Variants in TRIM2 observed in about 807,000 individuals in gnomAD.
TRIM2 encodes the protein tripartite motif containing 2, also known as tripartite motif-containing protein 2.
Under a neutral mutation model 75.2 loss-of-function variants are expected in TRIM2, and 20 were observed. That is an observed-to-expected ratio of 0.27 (90% CI 0.19 to 0.39). The LOEUF is 0.39. TRIM2 is among the 10% of genes least tolerant of loss of function. The pLI is 1.00. For missense variants in TRIM2, 660 were observed against 990.8 expected (o/e 0.67, Z 4.48); for synonymous variants, 373 against 388.3 (o/e 0.96, Z 0.46).
rs1772749266 is a variant in TRIM2 at position 153,338,767 on chromosome 4, G to T, written c.*3801G>T. Reference sequence around the variant, plus strand: ...TATTCTAGAATAGATTAATAAATTGGCTATGTTGTTCCAATGAATGTACAG... The same window carrying T: ...TATTCTAGAATAGATTAATAAATTGTCTATGTTGTTCCAATGAATGTACAG... On this transcript the variant is annotated 3_prime_UTR_variant, in exon 12 of 12. Coordinates refer to ENST00000338700, the MANE Select transcript of TRIM2 (RefSeq NM_015271.5). 2.0e-6 allele frequency: 2 copies of T among 985,630 alleles called. No homozygotes were observed. Among genetic ancestry groups the T allele is most frequent in the South Asian group, 4.7e-5 (1 of 21,282 alleles). 61.1% of individuals were successfully genotyped at this position (985,630 alleles called of 1,614,324 possible).
intron 1 of TRIM2, among the ~76,000 whole-genome samples, chr4:153,236,499 C>CT (rs1560859060): frequency 6.6e-6 from 1 of 152,068 alleles, no homozygotes. Flanking sequence ...TAGTGATCTA[C>CT]TTTTTTTAAA....
intron 1 of TRIM2, among the ~76,000 whole-genome samples, chr4:153,189,823 G>A (rs76974256): frequency 0.05 from 7,597 of 152,240 alleles, 227 homozygotes; most frequent in South Asian, 0.061. Context: ...TTCCTCTAAA[G>A]TATACACAAC....
At position 153,293,023 on chromosome 4, in the gene TRIM2, T is replaced by C. The variant is rs1762126043; in HGVS notation, c.495T>C (p.Cys165=). The C allele has an allele frequency of 6.2e-7, 1 of 1,613,406 alleles. No individual in the cohort carries two copies. Among genetic ancestry groups the C allele is most frequent in the East Asian group, 2.2e-5 (1 of 44,862 alleles). Residue 165 remains cysteine (C), a synonymous_variant, in exon 4 of 12, where the codon TGT becomes TGC. Coordinates refer to ENST00000338700, the MANE Select transcript of TRIM2 (RefSeq NM_015271.5). The part of the protein sequence containing the change: ...FYCQSCETAM[C]RECTEGEHAE... Reference sequence around the variant, plus strand: ...GCCAGTCCTGTGAGACTGCCATGTGTCGGGAGTGCACGGAGGGGGAGCACG... The same window carrying C: ...GCCAGTCCTGTGAGACTGCCATGTGCCGGGAGTGCACGGAGGGGGAGCACG...
intron 1 of TRIM2, among the ~76,000 whole-genome samples, chr4:153,195,845 T>C (rs543177288): frequency 6.6e-5 from 10 of 152,326 alleles, no homozygotes; most frequent in African/African-American, 2.4e-4. Flanking sequence ...GGATTCTTGC[T>C]TTGTCGCCCA....
intron 1 of TRIM2, among the ~76,000 whole-genome samples, chr4:153,154,772 A>T (rs1196462155): frequency 6.6e-6 from 1 of 152,218 alleles, no homozygotes; most frequent in African/African-American, 2.4e-5. Context: ...AATTTTATTT[A>T]TCAGGTTATG....
rs528333844 is a variant in TRIM2, at chr4:153,304,394, G to T, written c.1510+8358G>T. 3.9e-5 allele frequency among the ~76,000 whole-genome samples: 6 copies of T among 152,182 alleles called. No homozygotes were observed. In the South Asian group the frequency reaches 1.0e-3, roughly 26 times the overall value. On this transcript the variant is annotated intron_variant, in intron 6 of 11. Transcript: ENST00000338700. Reference sequence around the variant, plus strand: ...CTCCTAAAGTGCTGGGATTACAGGCGTGAGCCACCATGCCCGGCCCCTTGA... The same window carrying T: ...CTCCTAAAGTGCTGGGATTACAGGCTTGAGCCACCATGCCCGGCCCCTTGA...
At chr4:153,213,003 G>A (rs539818232) in intron 1 of TRIM2, among the ~76,000 whole-genome samples, 2 of 152,226 alleles carry the variant, frequency 1.3e-5, no homozygotes, top group East Asian at 1.9e-4. Flanking sequence ...CTACTGCCTG[G>A]GAAGCTTTGT....
At chr4:153,153,012 A>C (rs921738029), upstream of TRIM2, 2 of 152,250 alleles carry the variant, frequency 1.3e-5, no homozygotes, top group African/African-American at 4.8e-5. Flanking sequence ...GCGGCTAGGC[A>C]TGCGGATTTA....
intron 1 of TRIM2, chr4:153,265,710 A>G (rs1754840275): frequency 6.6e-6 from 1 of 152,202 alleles, no homozygotes; most frequent in African/African-American, 2.4e-5. Flanking sequence ...GCTCAGGGGC[A>G]ATATTTTCTG....
At chr4:153,238,140 C>T (rs189568616) in intron 1 of TRIM2, among the ~76,000 whole-genome samples, 48 of 152,312 alleles carry the variant, frequency 3.2e-4, no homozygotes, top group African/African-American at 1.1e-3. Context: ...CCTATCTAAC[C>T]CCTGGGTAAG....
chr4:153,299,460 A>G (rs1332752435), intron 6 of TRIM2, among the ~76,000 whole-genome samples: 2 of 152,144 alleles, frequency 1.3e-5, no homozygotes, highest in Admixed American at 1.3e-4. Flanking sequence ...TATCTTGGCT[A>G]TTGTGAACAG....
At chr4:153,308,581 G>T in intron 6 of TRIM2, 1 of 681,468 alleles carries the variant, frequency 1.5e-6, no homozygotes, top group Admixed American at 1.8e-5. Context: ...GCTGTGGTTA[G>T]TCAAAATGTT....
At position 153,184,417 on chromosome 4, in the gene TRIM2, G is replaced by A. The variant is rs148596164; in HGVS notation, c.-49+31147G>A. ...ACTAATTCTGTCAAACCAGGGTCCA[G>A]CCTTATGACCTCGTTTAACTTAATT... is the stretch of plus-strand genomic sequence containing the variant. On this transcript the variant is annotated intron_variant, in intron 1 of 11. Transcript: ENST00000437508. Among the ~76,000 whole-genome samples, 246 of 152,264 alleles carry A rather than the reference G, an allele frequency of 1.6e-3. 3 individuals are homozygous for A. The highest frequency in any genetic ancestry group is 5.4e-3 in the African/African-American group (225 of 41,544).
intron 3 of TRIM2, among the ~76,000 whole-genome samples, chr4:153,290,741 C>T (rs1467571018): frequency 6.6e-6 from 1 of 152,228 alleles, no homozygotes; most frequent in Non-Finnish European, 1.5e-5. Flanking sequence ...ATCCTCCCAC[C>T]TCAGCCTCCC....
chr4:153,181,675 C>T (rs1010993988), intron 1 of TRIM2, among the ~76,000 whole-genome samples: 15 of 152,240 alleles, frequency 9.9e-5, no homozygotes, highest in African/African-American at 3.4e-4. Flanking sequence ...GATGTGGCAG[C>T]GATGAGTCCC....
At position 153,236,648 on chromosome 4, in the gene TRIM2, G is replaced by C. The variant is rs546747218; in HGVS notation, c.30+32088G>C. ...TTTATGGCAAGTTGTTTGAGTCTGAGGATTGTGTCTTTTTCTTTTCTTTTC... is the reference window on the plus strand; with the variant it reads ...TTTATGGCAAGTTGTTTGAGTCTGACGATTGTGTCTTTTTCTTTTCTTTTC... On this transcript the variant is annotated intron_variant, in intron 1 of 11. Transcript: ENST00000338700. 2.8e-5 allele frequency among the ~76,000 whole-genome samples: 4 copies of C among 140,544 alleles called. No homozygotes were observed. In the East Asian group the frequency reaches 7.9e-4, roughly 28 times the overall value. The allele number at this position is 140,544 out of a possible 152,430, so 92.2% of individuals were successfully genotyped here.
chr4:153,265,624 T>G (rs746305655), intron 1 of TRIM2: 1 of 152,226 alleles, frequency 6.6e-6, no homozygotes, highest in Non-Finnish European at 1.5e-5. Flanking sequence ...ATTACATGCT[T>G]GAGCCACCGC....
chr4:153,254,105 A>G (rs1304615694), intron 1 of TRIM2, among the ~76,000 whole-genome samples: 1 of 152,172 alleles, frequency 6.6e-6, no homozygotes, highest in African/African-American at 2.4e-5. Flanking sequence ...GAAGGTGGAA[A>G]ATAATCAGGA....
At position 153,192,406 on chromosome 4, in the gene TRIM2, A is replaced by AGAC. The variant is rs537901661; in HGVS notation, c.-49+39137_-49+39139dup. 2.9e-3 allele frequency among the ~76,000 whole-genome samples: 447 copies of AGAC among 152,202 alleles called. 6 individuals are homozygous for AGAC. Among genetic ancestry groups the AGAC allele is most frequent in the East Asian group, 2.1e-3 (11 of 5,172 alleles). On this transcript the variant is annotated intron_variant, in intron 1 of 11. Transcript: ENST00000437508. ...TGGATCACTTGACCTCAGGAGTTTG[A>AGAC]GACCAGCCTGGGAAACATGGCAAAA...
Sources: gnomAD v4.1 joint callset for allele counts (sites outside exome capture counted in the v4.1 genomes callset) on GRCh38, gnomAD v4.1.1 for gene constraint, MANE v1.5 for transcripts, NCBI Gene and HGNC (gene_info 2026-07-23, HGNC 2026-07-21) for gene names.